Variants in NFIB observed in about 807,000 individuals in gnomAD.
NFIB encodes the protein nuclear factor I B.
A neutral mutation model predicts 61.5 loss-of-function variants in NFIB; 11 were observed. That is an observed-to-expected ratio of 0.18 (90% CI 0.11 to 0.30). The LOEUF (loss-of-function observed/expected upper bound fraction) is 0.30. NFIB is among the 10% of genes least tolerant of loss of function. NFIB has a pLI of 1.00. For synonymous variants in NFIB, 260 were observed against 216.5 expected (o/e 1.20, Z -1.76); for missense variants, 471 against 608.9 (o/e 0.77, Z 2.38).
chr9:14,487,936 G>C, the NFIB span, among the ~76,000 whole-genome samples: 3 of 152,130 alleles, frequency 2.0e-5, no homozygotes, highest in Non-Finnish European at 4.4e-5. Flanking sequence ...AATGGGTTAG[G>C]TCAGAAGCCT....
At chr9:14,287,454 G>T (rs2058789980) in intron 2 of NFIB, among the ~76,000 whole-genome samples, 2 of 151,578 alleles carry the variant, frequency 1.3e-5, no homozygotes, top group Admixed American at 1.3e-4. Flanking sequence ...ACGGAGTTCT[G>T]CTCTCGTTGC....
chr9:14,281,672 A>G (rs895022647), intron 2 of NFIB, among the ~76,000 whole-genome samples: 4 of 152,194 alleles, frequency 2.6e-5, no homozygotes, highest in Admixed American at 2.6e-4. Context: ...AACTCCATAT[A>G]GTTGTGTTTT....
chr9:14,103,432 C>T (rs1167793794), intron 10 of NFIB, among the ~76,000 whole-genome samples: 2 of 151,964 alleles, frequency 1.3e-5, no homozygotes, highest in African/African-American at 4.8e-5. Flanking sequence ...GAAAAGATGA[C>T]TTCTTCACAG....
upstream of NFIB, among the ~76,000 whole-genome samples, chr9:14,316,549 C>T (rs2132792090): frequency 6.6e-6 from 1 of 152,372 alleles, no homozygotes; most frequent in East Asian, 1.9e-4. Flanking sequence ...CGGGTCATTT[C>T]TTCTTTTTGA....
At chr9:14,428,756 G>T in the NFIB span, among the ~76,000 whole-genome samples, 1 of 152,178 alleles carries the variant, frequency 6.6e-6, no homozygotes, top group South Asian at 2.1e-4. Context: ...CACTGTTGAG[G>T]TAATTCCCCC....
intron 10 of NFIB, among the ~76,000 whole-genome samples, chr9:14,104,253 G>GA (rs1490470093): frequency 6.6e-6 from 1 of 150,640 alleles, no homozygotes; most frequent in Non-Finnish European, 1.5e-5. Context: ...TCACATGAAG[G>GA]AAAAAAAAGT....
At chr9:14,317,507 G>A (rs1260302801), upstream of NFIB, among the ~76,000 whole-genome samples, 2 of 152,142 alleles carry the variant, frequency 1.3e-5, no homozygotes, top group Admixed American at 6.5e-5. Context: ...TTGTTTCCCA[G>A]AAAAAGGAAA....
chr9:14,466,006 C>T, the NFIB span, among the ~76,000 whole-genome samples: 1 of 152,104 alleles, frequency 6.6e-6, no homozygotes, highest in African/African-American at 2.4e-5. Context: ...TAGAAAAGCA[C>T]GGCAGGACTG....
the NFIB span, among the ~76,000 whole-genome samples, chr9:14,480,029 T>G: frequency 5.5e-4 from 71 of 128,286 alleles, no homozygotes; most frequent in African/African-American, 2.0e-3. Context: ...GACAGAAAGG[T>G]TTTTTTTTGT....
chr9:14,122,327 A>G (rs2039052304), intron 7 of NFIB, among the ~76,000 whole-genome samples: 2 of 152,198 alleles, frequency 1.3e-5, no homozygotes. Context: ...GAACGTCCAG[A>G]GCACTGTTTC....
chr9:14,467,760 C>T, the NFIB span, among the ~76,000 whole-genome samples: 2 of 152,164 alleles, frequency 1.3e-5, no homozygotes, highest in Non-Finnish European at 2.9e-5. Flanking sequence ...GGAAAGAAAA[C>T]TAAGAACTGT....
At chr9:14,145,099 A>T (rs1405311322) in intron 6 of NFIB, among the ~76,000 whole-genome samples, 6 of 150,254 alleles carry the variant, frequency 4.0e-5, no homozygotes, top group Non-Finnish European at 7.4e-5. Flanking sequence ...GTCTCTCATG[A>T]GGGGAGTCTC....
chr9:14,340,516 G>A (rs1207342291), intron 1 of NFIB, among the ~76,000 whole-genome samples: 2 of 152,162 alleles, frequency 1.3e-5, no homozygotes, highest in African/African-American at 2.4e-5. Context: ...TGTGCAGTGG[G>A]GTTGGGAGCC....
chr9:14,135,694 A>G (rs2040960742), intron 6 of NFIB, among the ~76,000 whole-genome samples: 1 of 152,188 alleles, frequency 6.6e-6, no homozygotes, highest in African/African-American at 2.4e-5. Flanking sequence ...ATTTACATTT[A>G]TCACACTCTA....
At chr9:14,472,712 G>T in the NFIB span, among the ~76,000 whole-genome samples, 4 of 151,930 alleles carry the variant, frequency 2.6e-5, no homozygotes, top group Non-Finnish European at 4.4e-5. Flanking sequence ...GTCGTGGCGG[G>T]CGCCTGTAGT....
chr9:14,444,990 AACAAT>A, the NFIB span, among the ~76,000 whole-genome samples: 14,510 of 152,140 alleles, frequency 0.095, 843 homozygotes, highest in South Asian at 0.18. Flanking sequence ...ATATAAATGG[AACAAT>A]ACAGTATGTG....
chr9:14,168,719 A>G lies in NFIB; in HGVS notation c.616+11008T>C, dbSNP rs577305427. ...CTACAGAGATTAGGAAATGATTAAA[A>G]TGATCTAGGTGAGCTAGTTAAAGAG... On this transcript the variant is annotated intron_variant, in intron 3 of 10. Coordinates refer to ENST00000380953, the MANE Select transcript of NFIB (RefSeq NM_001190737.2). Among the ~76,000 whole-genome samples, 6 of 152,358 alleles carry G rather than the reference A, an allele frequency of 3.9e-5. No homozygotes were observed. In the South Asian group the frequency reaches 1.2e-3, roughly 32 times the overall value.
At chr9:14,241,228 C>T (rs566630182) in intron 2 of NFIB, among the ~76,000 whole-genome samples, 12 of 152,274 alleles carry the variant, frequency 7.9e-5, no homozygotes, top group East Asian at 1.9e-4. Context: ...GTATGCATAA[C>T]GGACCAGGCC....
chr9:14,291,450 A>G (rs1046131726), intron 2 of NFIB, among the ~76,000 whole-genome samples: 1 of 152,164 alleles, frequency 6.6e-6, no homozygotes, highest in Non-Finnish European at 1.5e-5. Flanking sequence ...ACGCCACTGC[A>G]CTCCAGTCTG....
Sources: gnomAD v4.1 joint callset for allele counts (sites outside exome capture counted in the v4.1 genomes callset) on GRCh38, gnomAD v4.1.1 for gene constraint, MANE v1.5 for transcripts, NCBI Gene and HGNC (gene_info 2026-07-23, HGNC 2026-07-21) for gene names.